The following RASL12 variants were observed in gnomAD, a reference collection of about 807,000 sequenced individuals.
RASL12 encodes the protein ras-like protein family member 12.
Under a neutral mutation model 22.9 loss-of-function variants are expected in RASL12, and 16 were observed. The observed-to-expected ratio is 0.70, with a 90% CI of 0.47 to 1.06. The LOEUF (loss-of-function observed/expected upper bound fraction) is 1.06, where lower values mean the gene tolerates loss of function less well. RASL12 is among the 50% of genes least tolerant of loss of function. The probability of loss-of-function intolerance (pLI) is 0.00; values close to 1 mark genes in which losing one functional copy is unlikely to be tolerated. For missense variants in RASL12, 306 were observed against 353.1 expected (o/e 0.87, Z 1.07); for synonymous variants, 159 against 152.2 (o/e 1.04, Z -0.33).
Position 65,053,675 on chromosome 15 carries a change from C to G in RASL12, c.*1224G>C. 1 of 989,034 alleles carries G rather than the reference C, an allele frequency of 1.0e-6. No individual in the cohort carries two copies. Among genetic ancestry groups the G allele is most frequent in the East Asian group, 1.1e-4 (1 of 8,858 alleles). 61.3% of individuals were successfully genotyped at this position (989,034 alleles called of 1,614,324 possible). ...CAGGCCCAGAATCCCCTTCCCAATC[C>G]TTCCACCCACCAGGACCCTCTCTTT... On this transcript the variant is annotated 3_prime_UTR_variant, in exon 5 of 5. Transcript: ENST00000220062.
intron 1 of RASL12, among the ~76,000 whole-genome samples, chr15:65,073,217 T>C (rs1451624341): frequency 6.6e-6 from 1 of 152,182 alleles, no homozygotes; most frequent in East Asian, 1.9e-4. Context: ...GGAGGGGAGA[T>C]GGTTTCGGAA....
Position 65,067,910 on chromosome 15 carries a change from G to GGGAGCGGGATGCAGGCTTCCCT in RASL12, c.-97_-76dup, listed in dbSNP as rs2086899591. ...AGTGCGCCCGCCCGTCGGGGCCCAGGGGAGCGGGATGCAGGCTTCCCTGGA... is the reference window on the plus strand; with the variant it reads ...AGTGCGCCCGCCCGTCGGGGCCCAGGGGAGCGGGATGCAGGCTTCCCTGGAGCGGGATGCAGGCTTCCCTGGA... On this transcript the variant is annotated 5_prime_UTR_variant, in exon 1 of 5. Coordinates refer to ENST00000220062, the MANE Select transcript of RASL12 (RefSeq NM_016563.4). 1 of 1,351,962 alleles carries GGGAGCGGGATGCAGGCTTCCCT rather than the reference G, an allele frequency of 7.4e-7. No individual in the cohort carries two copies. Among genetic ancestry groups the GGGAGCGGGATGCAGGCTTCCCT allele is most frequent in the Non-Finnish European group, 9.5e-7 (1 of 1,057,044 alleles). 83.7% of individuals were successfully genotyped at this position (1,351,962 alleles called of 1,614,324 possible).
In RASL12 at chr15:65,054,648, G is replaced by C. The variant is rs556264521; in HGVS notation, c.*251C>G. ...AAGGCTGACCCCAGGTCTCTGGGTT[G>C]TCACAGTGGCTGTTTCCCTCTACGG... On this transcript the variant is annotated 3_prime_UTR_variant, in exon 5 of 5. Coordinates refer to ENST00000220062, the MANE Select transcript of RASL12 (RefSeq NM_016563.4). 5.9e-6 allele frequency: 8 copies of C among 1,363,888 alleles called. No individual in the cohort carries two copies. The South Asian group carries it at 1.4e-4, about 23-fold the overall frequency. 84.5% of individuals were successfully genotyped at this position (1,363,888 alleles called of 1,614,324 possible).
At chr15:65,064,568 C>T (rs1366889728) in intron 2 of RASL12, among the ~76,000 whole-genome samples, 2 of 152,062 alleles carry the variant, frequency 1.3e-5, no homozygotes, top group African/African-American at 4.8e-5. Flanking sequence ...CACTGAGTGA[C>T]CATCTTGAAG....
At chr15:65,056,811 G>A (rs901295380) in intron 4 of RASL12, among the ~76,000 whole-genome samples, 2 of 152,186 alleles carry the variant, frequency 1.3e-5, no homozygotes, top group African/African-American at 2.4e-5. Context: ...GGACTTGATC[G>A]AAGAATGAAA....
At chr15:65,063,252 C>A (rs2086834685) in intron 2 of RASL12, among the ~76,000 whole-genome samples, 1 of 152,014 alleles carries the variant, frequency 6.6e-6, no homozygotes, top group South Asian at 2.1e-4. Flanking sequence ...ATGACCCATG[C>A]AATATTTGAA....
chr15:65,048,730 C>T (rs2086607708), downstream of RASL12, among the ~76,000 whole-genome samples: 1 of 152,112 alleles, frequency 6.6e-6, no homozygotes, highest in South Asian at 2.1e-4. Context: ...GTTATTGGGT[C>T]AGGCGCGGTG....
rs1227668063 is a variant in RASL12, at chr15:65,054,318, G to C, written c.*581C>G. ...GGAAATACCCCTTCCTGGGGCTTCT[G>C]TCCATTGGATTATTTTAACTAGATT... On this transcript the variant is annotated 3_prime_UTR_variant, in exon 5 of 5. Transcript: ENST00000220062. 1.0e-6 allele frequency: 1 copy of C among 985,718 alleles called. No individual in the cohort carries two copies. Among genetic ancestry groups the C allele is most frequent in the Non-Finnish European group, 1.2e-6 (1 of 830,188 alleles). The allele number at this position is 985,718 out of a possible 1,614,324, so 61.1% of individuals were successfully genotyped here.
chr15:65,048,373 A>AG (rs1246054521), downstream of RASL12, among the ~76,000 whole-genome samples: 1 of 152,184 alleles, frequency 6.6e-6, no homozygotes, highest in Non-Finnish European at 1.5e-5. Flanking sequence ...TTAGTGCTAG[A>AG]GGAAACTCTG....
chr15:65,059,162 C>A (rs1566954284), intron 3 of RASL12, among the ~76,000 whole-genome samples, 183 bp downstream of exon 3: 1 of 152,254 alleles, frequency 6.6e-6, no homozygotes, highest in Admixed American at 6.5e-5. Context: ...CTGTCCCATC[C>A]TTCTCATTTG....
intron 2 of RASL12, among the ~76,000 whole-genome samples, chr15:65,060,366 G>A (rs1449894756): frequency 1.3e-5 from 2 of 152,152 alleles, no homozygotes; most frequent in African/African-American, 4.8e-5. Context: ...TAGAGTTCCT[G>A]TGTACTCTTC....
chr15:65,053,547 TCAGCTCCTC>T lies in RASL12; in HGVS notation c.*1343_*1351del, dbSNP rs2086686462. The T allele has an allele frequency of 2.0e-6, 2 of 1,017,382 alleles. No individual in the cohort carries two copies. Among genetic ancestry groups the T allele is most frequent in the South Asian group, 8.0e-5 (2 of 25,006 alleles). The allele number at this position is 1,017,382 out of a possible 1,614,324, so 63.0% of individuals were successfully genotyped here. ...AGTAGTTCACAGCCCCCCTCTGACCTCAGCTCCTCCATTTACAGAATGAGTCCGAAGACT... is the reference window on the plus strand; with the variant it reads ...AGTAGTTCACAGCCCCCCTCTGACCTCATTTACAGAATGAGTCCGAAGACT... On this transcript the variant is annotated 3_prime_UTR_variant, in exon 5 of 5. Coordinates refer to ENST00000220062, the MANE Select transcript of RASL12 (RefSeq NM_016563.4).
downstream of RASL12, chr15:65,051,522 C>G (rs1235360860): frequency 1.8e-5 from 29 of 1,613,456 alleles, no homozygotes; most frequent in Non-Finnish European, 2.4e-5. Flanking sequence ...CAGCATCTCC[C>G]TGGAATCATT....
At chr15:65,075,122 T>C (rs953644515) in intron 1 of RASL12, among the ~76,000 whole-genome samples, 130 of 152,324 alleles carry the variant, frequency 8.5e-4, no homozygotes, top group Non-Finnish European at 1.4e-3. Context: ...CTCGGAGCAG[T>C]CAGCCAGCCC....
intron 1 of RASL12, among the ~76,000 whole-genome samples, chr15:65,066,504 CTG>C (rs2086881017): frequency 6.6e-6 from 1 of 150,714 alleles, no homozygotes; most frequent in South Asian, 2.1e-4. Context: ...GACAGAGACA[CTG>C]TCTTAAAAAA....
chr15:65,054,489 G>T lies in RASL12; in HGVS notation c.*410C>A, dbSNP rs547237242. The T allele has an allele frequency of 2.0e-6, 2 of 1,000,242 alleles. No homozygotes were observed. The highest frequency in any genetic ancestry group is 1.0e-4 in the East Asian group (1 of 9,606). The allele number at this position is 1,000,242 out of a possible 1,614,324, so 62.0% of individuals were successfully genotyped here. On this transcript the variant is annotated 3_prime_UTR_variant, in exon 5 of 5. Coordinates refer to ENST00000220062, the MANE Select transcript of RASL12 (RefSeq NM_016563.4). ...CACAAGGACCCCAGGCTGTCATTCC[G>T]CAGGCTGTTCTCGGGCCTGACATTG...
chr15:65,062,989 A>C (rs1347301370), intron 2 of RASL12, among the ~76,000 whole-genome samples: 1 of 152,096 alleles, frequency 6.6e-6, no homozygotes, highest in Non-Finnish European at 1.5e-5. Flanking sequence ...GACCAAGGGG[A>C]CTGACCATTG....
At chr15:65,065,391 C>G (rs2086864661) in intron 1 of RASL12, 118 bp from the exon 2 acceptor site, 2 of 928,866 alleles carry the variant, frequency 2.2e-6, no homozygotes, top group Non-Finnish European at 1.7e-6. Context: ...AAGCTCAGCT[C>G]TCCCAGAGAA....
Position 65,058,579 on chromosome 15 carries a change from G to C in RASL12, c.273C>G (p.Ala91=). 6.3e-7 allele frequency: 1 copy of C among 1,594,742 alleles called. No individual in the cohort carries two copies. Among genetic ancestry groups the C allele is most frequent in the Non-Finnish European group, 8.6e-7 (1 of 1,166,706 alleles). The change falls in exon 4 of 5, where the codon GCC becomes GCG. Residue 91 remains alanine, a synonymous_variant. Transcript: ENST00000220062. ...CGCTGTACACCACCAGGAAGGCATGGGCCCAGTTCAGGTAGCGCTCGCAGT... is the reference window on the plus strand; with the variant it reads ...CGCTGTACACCACCAGGAAGGCATGCGCCCAGTTCAGGTAGCGCTCGCAGT... The part of the protein sequence containing the change: ...PRNCERYLNW[A]HAFLVVYSVD...
Sources: gnomAD v4.1 joint callset for allele counts (sites outside exome capture counted in the v4.1 genomes callset) on GRCh38, gnomAD v4.1.1 for gene constraint, MANE v1.5 for transcripts, NCBI Gene and HGNC (gene_info 2026-07-23, HGNC 2026-07-21) for gene names.